The following ARHGAP35 variants were observed in gnomAD, a reference collection of about 807,000 sequenced individuals.
ARHGAP35 encodes the protein rho GTPase-activating protein 35.
ARHGAP35 carries 15 observed loss-of-function variants against 111.1 expected under a neutral mutation model. The observed-to-expected ratio is 0.13, with a 90% CI of 0.09 to 0.21. The LOEUF (loss-of-function observed/expected upper bound fraction) is 0.21. Ranked by LOEUF, ARHGAP35 falls within the 10% of genes least tolerant of loss-of-function variation. The pLI is 1.00. For missense variants in ARHGAP35, 1,262 were observed against 1,873.0 expected (o/e 0.67, Z 6.02); for synonymous variants, 643 against 710.3 (o/e 0.91, Z 1.51).
chr19:46,879,617 A>AATAAATAAATAAATAAAT (rs899638161), intron 1 of ARHGAP35, among the ~76,000 whole-genome samples: 2 of 141,340 alleles, frequency 1.4e-5, no homozygotes, highest in Non-Finnish European at 3.1e-5. Context: ...TAAATAAATA[A>AATAAATAAATAAATAAAT]AAATAAAAAT....
At chr19:46,893,361 G>A (rs1381726608) in intron 1 of ARHGAP35, among the ~76,000 whole-genome samples, 1 of 152,050 alleles carries the variant, frequency 6.6e-6, no homozygotes, top group Non-Finnish European at 1.5e-5. Flanking sequence ...TGATGTTGAT[G>A]AGCATCTACC....
chr19:46,975,513 A>C (rs555180887), intron 3 of ARHGAP35, among the ~76,000 whole-genome samples: 2 of 152,168 alleles, frequency 1.3e-5, no homozygotes, highest in East Asian at 3.9e-4. Flanking sequence ...TACACCCCAT[A>C]CATGGTTTAT....
intron 5 of ARHGAP35, among the ~76,000 whole-genome samples, chr19:46,996,115 T>C (rs906164509): frequency 3.9e-5 from 6 of 152,186 alleles, no homozygotes; most frequent in African/African-American, 1.4e-4. Flanking sequence ...TTATTTTTTT[T>C]CTTTTTGAGA....
chr19:46,987,218 C>CTTTTTT (rs370500363), intron 3 of ARHGAP35, among the ~76,000 whole-genome samples: 3 of 115,590 alleles, frequency 2.6e-5, no homozygotes, highest in Non-Finnish European at 3.6e-5. Context: ...TCTTTTTTTT[C>CTTTTTT]TTTTTTTTTT....
In ARHGAP35 at chr19:46,920,015, C is replaced by T; in HGVS notation, c.1340C>T (p.Thr447Ile). The change falls in exon 2 of 7, where the codon ACT (threonine) becomes ATT (isoleucine). Residue 447 changes from threonine (T) to isoleucine (I), a missense_variant. Transcript: ENST00000672722. The surrounding 1 kb of genome is among the most constrained non-coding windows in gnomAD (Gnocchi z 7.0). The stretch of plus-strand genomic sequence containing the variant: ...AACCTGGAGACTTCTCCTTTCATAA[C>T]TCCCGGAAAGCCTTGGGAAGAGGCC... ...KENLETSPFI[T>I]PGKPWEEARS... 6.2e-7 allele frequency: 1 copy of T among 1,613,946 alleles called. No homozygotes were observed. Among genetic ancestry groups the T allele is most frequent in the Non-Finnish European group, 8.5e-7 (1 of 1,179,886 alleles).
At position 46,918,012 on chromosome 19, in the gene ARHGAP35, C is replaced by A. The variant is rs964552721; in HGVS notation, c.-188-476C>A. The stretch of plus-strand genomic sequence containing the variant: ...TACAGGCGTAAGCTACCACGCCCGG[C>A]CCAGGTTCCTGTTTTTGCAGTGGGT... On this transcript the variant is annotated intron_variant, in intron 1 of 6. Coordinates refer to ENST00000672722, the MANE Select transcript of ARHGAP35 (RefSeq NM_004491.5). The surrounding 1 kb of genome is among the most constrained non-coding windows in gnomAD (Gnocchi z 5.4). Among the ~76,000 whole-genome samples the A allele has an allele frequency of 3.3e-5, 5 of 152,202 alleles. No homozygotes were observed. The highest frequency in any genetic ancestry group is 6.5e-5 in the Admixed American group (1 of 15,288).
intron 3 of ARHGAP35, among the ~76,000 whole-genome samples, chr19:46,978,453 G>A (rs2056590836): frequency 6.6e-6 from 1 of 152,000 alleles, no homozygotes; most frequent in Non-Finnish European, 1.5e-5. Context: ...TTTTGTGTGT[G>A]TGTGTAGTGG....
At chr19:46,884,493 C>CTTTT (rs923415995) in intron 1 of ARHGAP35, among the ~76,000 whole-genome samples, 10 of 111,930 alleles carry the variant, frequency 8.9e-5, no homozygotes, top group East Asian at 2.5e-4. Flanking sequence ...TGATGATATC[C>CTTTT]TTTTTTTTTT....
chr19:46,923,013 G>GTCTTTTCTC (rs1349890296), intron 2 of ARHGAP35, among the ~76,000 whole-genome samples: 478 of 152,164 alleles, frequency 3.1e-3, no homozygotes, highest in African/African-American at 0.011. Context: ...ATCACAAATG[G>GTCTTTTCTC]TGCAGGGAGA....
In ARHGAP35 at chr19:46,974,311, C is replaced by T. The variant is rs543461729; in HGVS notation, c.3827-13678C>T. Among the ~76,000 whole-genome samples the T allele has an allele frequency of 4.6e-5, 7 of 152,300 alleles. No individual in the cohort carries two copies. The South Asian group carries it at 1.5e-3, about 32-fold the overall frequency. On this transcript the variant is annotated intron_variant, in intron 3 of 6. Coordinates refer to ENST00000672722, the MANE Select transcript of ARHGAP35 (RefSeq NM_004491.5). ...TCCCACAAGACTGCCCTTCAGATGC[C>T]AGTTGCAAGTACTGGGTGACTAACC...
At chr19:46,880,947 CTTTTT>C (rs1206653160) in intron 1 of ARHGAP35, among the ~76,000 whole-genome samples, 1 of 113,736 alleles carries the variant, frequency 8.8e-6, no homozygotes, top group Admixed American at 8.9e-5. Context: ...AATGAATGTT[CTTTTT>C]TTTTTTTTTT....
intron 3 of ARHGAP35, among the ~76,000 whole-genome samples, chr19:46,983,677 G>A (rs1176279437): frequency 1.1e-4 from 15 of 132,284 alleles, no homozygotes; most frequent in African/African-American, 3.5e-4. Flanking sequence ...GCAGTGGCAC[G>A]ATCTCAGCTC....
intron 1 of ARHGAP35, among the ~76,000 whole-genome samples, chr19:46,905,180 G>A (rs536556528): frequency 7.1e-4 from 108 of 152,166 alleles, no homozygotes; most frequent in African/African-American, 2.6e-3. Context: ...GCATTAAATG[G>A]GTTTTTGAAC....
intron 3 of ARHGAP35, among the ~76,000 whole-genome samples, chr19:46,978,746 G>GGGC (rs2056598521): frequency 8.0e-6 from 1 of 125,702 alleles, no homozygotes; most frequent in African/African-American, 3.1e-5. Context: ...TCTGTGTGGT[G>GGGC]TGTGTGTGTG....
At chr19:46,981,632 G>A (rs1421939775) in intron 3 of ARHGAP35, among the ~76,000 whole-genome samples, 1 of 152,146 alleles carries the variant, frequency 6.6e-6, no homozygotes, top group Admixed American at 6.5e-5. Context: ...TGATTTCCAA[G>A]CTCCTGAGGG....
intron 2 of ARHGAP35, among the ~76,000 whole-genome samples, chr19:46,930,820 T>C (rs180746571): frequency 6.6e-6 from 1 of 152,008 alleles, no homozygotes; most frequent in Admixed American, 6.6e-5. Context: ...GGATATGTCT[T>C]CTGTTACCAA....
chr19:46,958,628 C>T (rs759776429), intron 3 of ARHGAP35, among the ~76,000 whole-genome samples: 1 of 152,200 alleles, frequency 6.6e-6, no homozygotes, highest in African/African-American at 2.4e-5. Context: ...TGCTCTACCT[C>T]GTTGATTGAC....
At chr19:46,937,879 G>C (rs1278002741) in intron 3 of ARHGAP35, among the ~76,000 whole-genome samples, 1 of 152,182 alleles carries the variant, frequency 6.6e-6, no homozygotes, top group Non-Finnish European at 1.5e-5. Flanking sequence ...GTATTGATAG[G>C]ATTTTTTTCT....
intron 3 of ARHGAP35, among the ~76,000 whole-genome samples, chr19:46,982,714 C>A (rs191624170): frequency 4.9e-4 from 75 of 152,024 alleles, no homozygotes; most frequent in African/African-American, 1.7e-3. Context: ...GGTTCGCTGG[C>A]CAGCAGCAGC....
Sources: allele counts gnomAD v4.1 joint callset (sites outside exome capture counted in the v4.1 genomes callset), GRCh38; gene constraint gnomAD v4.1.1; non-coding constraint Gnocchi (gnomAD v3.1); transcripts MANE v1.5; gene names NCBI Gene and HGNC (gene_info 2026-07-23, HGNC 2026-07-21).